RCAN2: variants seen among roughly 807,000 people sequenced by gnomAD.
RCAN2 encodes calcipressin-2.
A neutral mutation model predicts 23.6 loss-of-function variants in RCAN2; 9 were observed. The observed-to-expected ratio is 0.38, with a 90% CI of 0.23 to 0.67. The LOEUF (loss-of-function observed/expected upper bound fraction) is 0.67, where lower values mean the gene tolerates loss of function less well. RCAN2 is among the 30% of genes least tolerant of loss of function. RCAN2 has a pLI of 0.51. For synonymous variants in RCAN2, 109 were observed against 115.7 expected (o/e 0.94, Z 0.37); for missense variants, 273 against 302.3 (o/e 0.90, Z 0.72).
chr6:46,336,572 G>A (rs971752363), intron 2 of RCAN2, among the ~76,000 whole-genome samples: 2 of 152,158 alleles, frequency 1.3e-5, no homozygotes, highest in Admixed American at 6.5e-5. Flanking sequence ...TAATTGGAAT[G>A]GAAAGCCTGA....
chr6:46,489,500 T>C (rs1769081225), intron 1 of RCAN2, among the ~76,000 whole-genome samples: 1 of 152,232 alleles, frequency 6.6e-6, no homozygotes. Context: ...TGATTGTCAA[T>C]GTTAGTCTCA....
intron 4 of RCAN2, among the ~76,000 whole-genome samples, chr6:46,239,201 A>T (rs1766211723): frequency 6.6e-6 from 1 of 152,208 alleles, no homozygotes; most frequent in Non-Finnish European, 1.5e-5. Context: ...GTGCAGAGAG[A>T]CTTATTGGAA....
At chr6:46,320,452 T>C (rs976135439) in intron 2 of RCAN2, among the ~76,000 whole-genome samples, 4 of 152,216 alleles carry the variant, frequency 2.6e-5, no homozygotes, top group Non-Finnish European at 5.9e-5. Flanking sequence ...AGAGATTTCA[T>C]TGTACTCAGT....
intron 4 of RCAN2, among the ~76,000 whole-genome samples, chr6:46,240,747 A>G (rs1044960974): frequency 5.9e-5 from 9 of 152,232 alleles, no homozygotes; most frequent in Non-Finnish European, 1.3e-4. Flanking sequence ...AGCCTGGAAT[A>G]GAAAATGTTT....
intron 2 of RCAN2, among the ~76,000 whole-genome samples, chr6:46,268,218 T>G (rs1767405039): frequency 1.3e-5 from 2 of 152,220 alleles, no homozygotes; most frequent in Non-Finnish European, 2.9e-5. Context: ...CTGTCTCATT[T>G]TTTTCCTCCT....
intron 4 of RCAN2, among the ~76,000 whole-genome samples, chr6:46,229,913 C>A (rs975360362): frequency 6.6e-6 from 1 of 152,168 alleles, no homozygotes; most frequent in African/African-American, 2.4e-5. Context: ...GTGGTTTTAT[C>A]TACCTTTGGT....
At chr6:46,252,037 C>A (rs1267420484) in intron 2 of RCAN2, among the ~76,000 whole-genome samples, 3 of 152,068 alleles carry the variant, frequency 2.0e-5, no homozygotes, top group African/African-American at 7.2e-5. Flanking sequence ...TCTTTTCAGG[C>A]CTTTTGGGAC....
At chr6:46,396,191 T>C (rs9367244) in intron 2 of RCAN2, among the ~76,000 whole-genome samples, 75,883 of 151,888 alleles carry the variant, frequency 0.5, 19,635 homozygotes, top group East Asian at 0.61. Context: ...TGAATCTTGG[T>C]TACAATTTTA....
At chr6:46,482,969 A>C (rs1320317582) in intron 1 of RCAN2, among the ~76,000 whole-genome samples, 1 of 152,198 alleles carries the variant, frequency 6.6e-6, no homozygotes, top group Admixed American at 6.5e-5. Context: ...TGGAGACCCT[A>C]AAGGTCATTC....
chr6:46,234,463 G>A (rs865874591), intron 4 of RCAN2, among the ~76,000 whole-genome samples: 1 of 152,202 alleles, frequency 6.6e-6, no homozygotes, highest in Non-Finnish European at 1.5e-5. Flanking sequence ...TCTGGGGACA[G>A]AGAGTCTGTC....
At chr6:46,479,414 T>A (rs1312645065) in intron 1 of RCAN2, among the ~76,000 whole-genome samples, 1 of 152,128 alleles carries the variant, frequency 6.6e-6, no homozygotes, top group South Asian at 2.1e-4. Flanking sequence ...CCCACAAAAG[T>A]GTAACACCAA....
At chr6:46,477,183 T>C (rs1384797368) in intron 1 of RCAN2, among the ~76,000 whole-genome samples, 2 of 152,126 alleles carry the variant, frequency 1.3e-5, no homozygotes, top group Non-Finnish European at 1.5e-5. Context: ...CTTCTCTCTC[T>C]CCAACTCTGG....
chr6:46,491,251 C>G lies in RCAN2; in HGVS notation c.-81G>C, dbSNP rs1164087098. ...GGCGTCTACGGGGGCCAGCTGCTAG[C>G]GCGCGGCGCTGCCTGCTCACCTGCC... On this transcript the variant is annotated 5_prime_UTR_variant, in exon 1 of 5. Coordinates refer to ENST00000371374, the MANE Select transcript of RCAN2 (RefSeq NM_001251974.2). 2.0e-5 allele frequency: 3 copies of G among 151,454 alleles called. No homozygotes were observed. The highest frequency in any genetic ancestry group is 2.9e-5 in the Non-Finnish European group (2 of 67,814). The allele number at this position is 151,454 out of a possible 1,614,324, so 9.4% of individuals were successfully genotyped here.
chr6:46,264,381 A>C (rs944637418), intron 2 of RCAN2, among the ~76,000 whole-genome samples: 2 of 152,210 alleles, frequency 1.3e-5, no homozygotes, highest in Non-Finnish European at 2.9e-5. Flanking sequence ...TGGCATTTGC[A>C]TTCTTTTAAG....
intron 2 of RCAN2, among the ~76,000 whole-genome samples, chr6:46,320,051 G>C (rs556566260): frequency 6.6e-6 from 1 of 152,088 alleles, no homozygotes; most frequent in Admixed American, 6.5e-5. Context: ...AATACCTCTA[G>C]AGGGTTTACC....
At chr6:46,484,221 G>A (rs927843633) in intron 1 of RCAN2, among the ~76,000 whole-genome samples, 1 of 152,188 alleles carries the variant, frequency 6.6e-6, no homozygotes, top group Non-Finnish European at 1.5e-5. Context: ...TACTATAATT[G>A]ATATGGTAGC....
chr6:46,287,955 C>T (rs1408950143), intron 2 of RCAN2, among the ~76,000 whole-genome samples: 9 of 152,178 alleles, frequency 5.9e-5, no homozygotes, highest in Non-Finnish European at 7.3e-5. Context: ...AAGAATAATA[C>T]GACCCGAGGA....
chr6:46,388,590 C>A (rs1277748019), intron 2 of RCAN2, among the ~76,000 whole-genome samples: 1 of 152,144 alleles, frequency 6.6e-6, no homozygotes, highest in Non-Finnish European at 1.5e-5. Flanking sequence ...AAATGTGGTA[C>A]ATACACACCA....
chr6:46,224,938 C>T (rs1765606793), intron 4 of RCAN2, among the ~76,000 whole-genome samples: 1 of 151,884 alleles, frequency 6.6e-6, no homozygotes, highest in Admixed American at 6.6e-5. Flanking sequence ...CCCCCTTCCC[C>T]CACCCCATGA....
Sources: allele counts gnomAD v4.1 joint callset (sites outside exome capture counted in the v4.1 genomes callset), GRCh38; gene constraint gnomAD v4.1.1; transcripts MANE v1.5; gene names NCBI Gene and HGNC (gene_info 2026-07-23, HGNC 2026-07-21).